The following GULP1 variants were observed in gnomAD, a reference collection of about 807,000 sequenced individuals.
GULP1 encodes the protein PTB domain-containing engulfment adapter protein 1.
A neutral mutation model predicts 40.9 loss-of-function variants in GULP1; 19 were observed. The observed-to-expected ratio is 0.46, with a 90% CI of 0.32 to 0.68. The LOEUF is 0.68. Among genes scored for constraint, GULP1 ranks in the 30% least tolerant of loss-of-function variants. The pLI is 0.03. For missense variants in GULP1, 312 were observed against 362.2 expected, an observed-to-expected ratio of 0.86 and a Z score of 1.12; for synonymous variants, 119 against 117.6, an observed-to-expected ratio of 1.01 and a Z score of -0.08.
intron 1 of GULP1, among the ~76,000 whole-genome samples, chr2:188,347,709 G>C (rs1574604016): frequency 6.6e-6 from 1 of 150,996 alleles, no homozygotes; most frequent in Non-Finnish European, 1.5e-5. Context: ...AACTTCCCAG[G>C]CTCAAGTGAT....
intron 1 of GULP1, among the ~76,000 whole-genome samples, chr2:188,368,988 A>G (rs1171646004): frequency 8.4e-5 from 10 of 119,376 alleles, no homozygotes; most frequent in Non-Finnish European, 1.4e-4. Context: ...TTTGAGACAG[A>G]GTCTCACTCT....
chr2:188,580,460 G>C (rs928935206), intron 9 of GULP1, among the ~76,000 whole-genome samples: 3 of 150,662 alleles, frequency 2.0e-5, no homozygotes, highest in African/African-American at 4.9e-5. Flanking sequence ...GGCTGAGGCA[G>C]GAGAATGGCG....
chr2:188,530,198 C>CA (rs2153233708), intron 6 of GULP1, among the ~76,000 whole-genome samples: 1 of 152,270 alleles, frequency 6.6e-6, no homozygotes, highest in South Asian at 2.1e-4. Context: ...AATACACAGA[C>CA]AACCCTAGGT....
intron 2 of GULP1, among the ~76,000 whole-genome samples, chr2:188,427,207 C>T (rs376117831): frequency 2.5e-4 from 38 of 152,240 alleles, no homozygotes; most frequent in African/African-American, 7.7e-4. Context: ...AAAACTGGAA[C>T]TTATATTTAA....
intron 2 of GULP1, among the ~76,000 whole-genome samples, chr2:188,395,355 C>T (rs2051098713): frequency 6.6e-6 from 1 of 152,218 alleles, no homozygotes; most frequent in Non-Finnish European, 1.5e-5. Flanking sequence ...GCGTGCACTC[C>T]ACCTGTGGGG....
intron 9 of GULP1, among the ~76,000 whole-genome samples, chr2:188,578,441 C>A (rs1244636971): frequency 6.6e-6 from 1 of 151,366 alleles, no homozygotes; most frequent in Non-Finnish European, 1.5e-5. Context: ...ACCTAGATGA[C>A]AGGTTGATAG....
chr2:188,311,095 T>G (rs1267504629), intron 1 of GULP1, among the ~76,000 whole-genome samples: 1 of 152,150 alleles, frequency 6.6e-6, no homozygotes, highest in Non-Finnish European at 1.5e-5. Flanking sequence ...GCAAAATGAG[T>G]TTCAATCCTT....
At chr2:188,464,346 C>T (rs774947262) in intron 2 of GULP1, among the ~76,000 whole-genome samples, 1 of 152,134 alleles carries the variant, frequency 6.6e-6, no homozygotes, top group Non-Finnish European at 1.5e-5. Context: ...TCTTCCCTTA[C>T]TTTCTCTCAA....
intron 4 of GULP1, among the ~76,000 whole-genome samples, chr2:188,498,092 T>A (rs1215606023): frequency 6.6e-6 from 1 of 151,916 alleles, no homozygotes; most frequent in Non-Finnish European, 1.5e-5. Flanking sequence ...GAAGAAAGAT[T>A]TCCTAAAGAG....
intron 3 of GULP1, among the ~76,000 whole-genome samples, chr2:188,482,945 C>G (rs1220642778): frequency 6.6e-6 from 1 of 151,682 alleles, no homozygotes; most frequent in Non-Finnish European, 1.5e-5. Context: ...CAGCTTCATA[C>G]AAATGCAGTT....
intron 7 of GULP1, among the ~76,000 whole-genome samples, chr2:188,550,330 A>G (rs1292315453): frequency 6.6e-6 from 1 of 151,676 alleles, no homozygotes; most frequent in Non-Finnish European, 1.5e-5. Flanking sequence ...AGCATACTAC[A>G]AAACTAGAAC....
chr2:188,499,838 T>C (rs1338201791), intron 4 of GULP1, among the ~76,000 whole-genome samples: 4 of 151,910 alleles, frequency 2.6e-5, no homozygotes, highest in Non-Finnish European at 5.9e-5. Flanking sequence ...AACTCTTTTT[T>C]TGGATTTTAC....
At chr2:188,486,809 A>G (rs1383614253) in intron 4 of GULP1, among the ~76,000 whole-genome samples, 2 of 151,934 alleles carry the variant, frequency 1.3e-5, no homozygotes, top group Non-Finnish European at 2.9e-5. Context: ...CTTTTATATT[A>G]TCCTGTGTAC....
At chr2:188,396,225 A>C (rs1276512717) in intron 2 of GULP1, among the ~76,000 whole-genome samples, 1 of 152,188 alleles carries the variant, frequency 6.6e-6, no homozygotes. Flanking sequence ...GGGTCATAGA[A>C]CTGCCAAAAT....
At chr2:188,581,233 C>G (rs756869173) in intron 9 of GULP1, among the ~76,000 whole-genome samples, 38 of 152,096 alleles carry the variant, frequency 2.5e-4, no homozygotes, top group Non-Finnish European at 4.7e-4. Flanking sequence ...GTATTCAGTA[C>G]TTTTCTACTG....
chr2:188,415,044 A>G (rs956234571), intron 2 of GULP1, among the ~76,000 whole-genome samples: 1 of 152,162 alleles, frequency 6.6e-6, no homozygotes, highest in African/African-American at 2.4e-5. Flanking sequence ...CATTGTTTAA[A>G]GATGATTTAT....
intron 9 of GULP1, among the ~76,000 whole-genome samples, chr2:188,575,308 A>G (rs1699956665): frequency 6.6e-6 from 1 of 152,208 alleles, no homozygotes; most frequent in Admixed American, 6.5e-5. Flanking sequence ...ATGGAATATT[A>G]TAAAATGTGT....
chr2:188,309,380 T>G (rs1210089863), intron 1 of GULP1, among the ~76,000 whole-genome samples: 1 of 152,016 alleles, frequency 6.6e-6, no homozygotes, highest in Non-Finnish European at 1.5e-5. Context: ...GTGGGAGGAC[T>G]GCTTGAGCCT....
intron 2 of GULP1, among the ~76,000 whole-genome samples, chr2:188,449,139 T>C (rs999076083): frequency 1.3e-5 from 2 of 152,214 alleles, no homozygotes; most frequent in African/African-American, 4.8e-5. Flanking sequence ...ATAATAGATA[T>C]TCGCTGAACC....
Sources: allele counts gnomAD v4.1 joint callset (sites outside exome capture counted in the v4.1 genomes callset), GRCh38; gene constraint gnomAD v4.1.1; transcripts MANE v1.5; gene names NCBI Gene and HGNC (gene_info 2026-07-23, HGNC 2026-07-21).